The following CREB5 variants were observed in gnomAD, a reference collection of about 807,000 sequenced individuals.
The protein encoded by CREB5 is cyclic AMP-responsive element-binding protein 5.
A neutral mutation model predicts 57.1 loss-of-function variants in CREB5; 19 were observed. That is an observed-to-expected ratio of 0.33 (90% confidence interval 0.23 to 0.49). The LOEUF (loss-of-function observed/expected upper bound fraction) is 0.49, where lower values mean the gene tolerates loss of function less well. Among genes scored for constraint, CREB5 ranks in the 20% least tolerant of loss-of-function variants. The probability of loss-of-function intolerance (pLI) is 0.99; values close to 1 mark genes in which losing one functional copy is unlikely to be tolerated. For missense variants in CREB5, 579 were observed against 671.6 expected, an observed-to-expected ratio of 0.86 and a Z score of 1.52; for synonymous variants, 238 against 238.3, an observed-to-expected ratio of 1.00 and a Z score of 0.01.
At chr7:28,372,315 G>A (rs932672755) in intron 1 of CREB5, among the ~76,000 whole-genome samples, 6 of 152,178 alleles carry the variant, frequency 3.9e-5, no homozygotes, top group African/African-American at 1.4e-4. Context: ...CTGAATTTGG[G>A]GAGGGTTTCC....
chr7:28,350,518 A>G (rs1786166415), intron 1 of CREB5, among the ~76,000 whole-genome samples: 1 of 151,742 alleles, frequency 6.6e-6, no homozygotes, highest in Non-Finnish European at 1.5e-5. Flanking sequence ...GGCTATAGTG[A>G]TTGATTCAGG....
intron 7 of CREB5, among the ~76,000 whole-genome samples, chr7:28,764,583 G>A (rs1301877500): frequency 6.6e-6 from 1 of 152,120 alleles, no homozygotes; most frequent in Non-Finnish European, 1.5e-5. Flanking sequence ...AAGAAAGTCT[G>A]AGCTATAATT....
intron 5 of CREB5, among the ~76,000 whole-genome samples, chr7:28,688,649 C>T (rs538825761): frequency 2.0e-5 from 3 of 152,126 alleles, no homozygotes; most frequent in African/African-American, 2.4e-5. Flanking sequence ...TTTATGTATC[C>T]GGGGTAGTAG....
intron 5 of CREB5, among the ~76,000 whole-genome samples, chr7:28,709,287 C>A (rs778790071): frequency 4.1e-4 from 63 of 152,040 alleles, no homozygotes; most frequent in Non-Finnish European, 7.9e-4. Flanking sequence ...TTATAAAAAG[C>A]CTTTCACTCT....
intron 7 of CREB5, among the ~76,000 whole-genome samples, chr7:28,742,443 G>A (rs1454641998): frequency 1.3e-5 from 2 of 151,972 alleles, no homozygotes; most frequent in Non-Finnish European, 2.9e-5. Context: ...GCAGGTGCCT[G>A]TAGTCCCAGC....
At chr7:28,645,086 C>T (rs892950912) in intron 5 of CREB5, among the ~76,000 whole-genome samples, 5 of 152,198 alleles carry the variant, frequency 3.3e-5, no homozygotes, top group Admixed American at 2.0e-4. Context: ...TGCAGCCCCC[C>T]AACCCTTGAG....
intron 4 of CREB5, among the ~76,000 whole-genome samples, chr7:28,531,740 A>C (rs967614053): frequency 6.6e-6 from 1 of 152,142 alleles, no homozygotes; most frequent in Non-Finnish European, 1.5e-5. Context: ...CTAACTAAAA[A>C]CTGAGGCTAG....
chr7:28,667,182 G>A (rs76759511), intron 5 of CREB5, among the ~76,000 whole-genome samples: 81 of 151,850 alleles, frequency 5.3e-4, no homozygotes, highest in South Asian at 2.1e-3. Context: ...GATGCATGCT[G>A]TCCCTGGGTG....
chr7:28,431,836 G>A (rs1788724314), intron 1 of CREB5, among the ~76,000 whole-genome samples: 1 of 152,156 alleles, frequency 6.6e-6, no homozygotes, highest in Admixed American at 6.5e-5. Context: ...GCAGAATGTG[G>A]TGGACAAGGG....
chr7:28,394,757 T>A (rs1188267926), intron 1 of CREB5, among the ~76,000 whole-genome samples: 2 of 152,366 alleles, frequency 1.3e-5, no homozygotes, highest in Middle Eastern at 3.4e-3. Context: ...AAGTCTGATT[T>A]GGCTTCACCA....
At chr7:28,356,738 C>T (rs1191621258) in intron 1 of CREB5, among the ~76,000 whole-genome samples, 11 of 152,202 alleles carry the variant, frequency 7.2e-5, no homozygotes, top group Non-Finnish European at 8.8e-5. Context: ...CTTTGCTACA[C>T]GGAGTGCTGT....
chr7:28,331,848 CA>C (rs145837781), intron 1 of CREB5, among the ~76,000 whole-genome samples: 23,825 of 75,702 alleles, frequency 0.31, 1,480 homozygotes, highest in Non-Finnish European at 0.36. Context: ...AACTCCATCT[CA>C]AAAAAAAAAA....
intron 5 of CREB5, among the ~76,000 whole-genome samples, chr7:28,618,871 G>A (rs1797688992): frequency 6.6e-6 from 1 of 152,192 alleles, no homozygotes; most frequent in Non-Finnish European, 1.5e-5. Flanking sequence ...GGTTAGGTAT[G>A]GTTCTGACAT....
chr7:28,560,984 G>GCA (rs1795228826), intron 4 of CREB5, among the ~76,000 whole-genome samples: 1 of 92,088 alleles, frequency 1.1e-5, no homozygotes, highest in African/African-American at 3.5e-5. Flanking sequence ...GTGTGTGCGT[G>GCA]CGTGTGTGTG....
chr7:28,488,357 A>G, intron 2 of CREB5, 111 bp downstream of exon 2: 1 of 825,982 alleles, frequency 1.2e-6, no homozygotes, highest in Non-Finnish European at 2.0e-6. Context: ...TTACCAAGAC[A>G]CCACCAAAGT....
At chr7:28,731,845 C>G (rs1346775712) in intron 7 of CREB5, among the ~76,000 whole-genome samples, 1 of 152,226 alleles carries the variant, frequency 6.6e-6, no homozygotes, top group Non-Finnish European at 1.5e-5. Context: ...AAGGAATGGG[C>G]TCAATTCTCT....
chr7:28,407,426 T>C (rs188698807), intron 1 of CREB5, among the ~76,000 whole-genome samples: 3 of 152,278 alleles, frequency 2.0e-5, no homozygotes, highest in Non-Finnish European at 4.4e-5. Context: ...TCCTCATTCA[T>C]AGTTGAGGCA....
intron 5 of CREB5, among the ~76,000 whole-genome samples, chr7:28,642,327 G>A (rs1798690401): frequency 1.3e-5 from 2 of 152,132 alleles, no homozygotes; most frequent in Admixed American, 1.3e-4. Flanking sequence ...GTAAAGGTAT[G>A]GATAGCAACC....
intron 4 of CREB5, among the ~76,000 whole-genome samples, chr7:28,538,259 G>A (rs1329588013): frequency 6.6e-6 from 1 of 152,086 alleles, no homozygotes; most frequent in African/African-American, 2.4e-5. Context: ...TCGCCATGTT[G>A]GCCAGGCTGG....
Sources: gnomAD v4.1 joint callset for allele counts (sites outside exome capture counted in the v4.1 genomes callset) on GRCh38, gnomAD v4.1.1 for gene constraint, MANE v1.5 for transcripts, NCBI Gene and HGNC (gene_info 2026-07-23, HGNC 2026-07-21) for gene names.